LHFPL6: variants seen among roughly 807,000 people sequenced by gnomAD.
LHFPL6 encodes LHFPL tetraspan subfamily member 6 protein.
In LHFPL6, 9 loss-of-function variants were observed where a neutral mutation model predicts 20.6. The observed-to-expected ratio is 0.44, with a 90% CI of 0.26 to 0.76. The LOEUF is 0.76. LHFPL6 is among the 30% of genes least tolerant of loss of function. The pLI is 0.20. For synonymous variants in LHFPL6, 105 were observed against 98.7 expected (o/e 1.06, Z -0.38); for missense variants, 218 against 253.5 (o/e 0.86, Z 0.95).
chr13:39,547,294 G>A (rs1871011992), intron 2 of LHFPL6, among the ~76,000 whole-genome samples: 2 of 152,006 alleles, frequency 1.3e-5, no homozygotes, highest in South Asian at 4.1e-4. Flanking sequence ...CTCATCTCTG[G>A]TTGCCTGCTT....
intron 2 of LHFPL6, among the ~76,000 whole-genome samples, chr13:39,413,672 T>C (rs949348782): frequency 2.0e-5 from 3 of 152,126 alleles, no homozygotes; most frequent in Non-Finnish European, 4.4e-5. Flanking sequence ...TGTTTGCATT[T>C]GCACAAGTGT....
At chr13:39,458,562 G>A (rs1872622743) in intron 2 of LHFPL6, among the ~76,000 whole-genome samples, 1 of 152,008 alleles carries the variant, frequency 6.6e-6, no homozygotes, top group Non-Finnish European at 1.5e-5. Context: ...AACCAGTCAT[G>A]GGGGCCTGCA....
intron 2 of LHFPL6, among the ~76,000 whole-genome samples, chr13:39,517,494 C>G (rs1276132521): frequency 1.3e-5 from 2 of 152,180 alleles, no homozygotes; most frequent in Non-Finnish European, 2.9e-5. Flanking sequence ...TCCTTTATCA[C>G]TATTGTCTAT....
intron 2 of LHFPL6, among the ~76,000 whole-genome samples, chr13:39,573,592 T>C (rs1259268367): frequency 6.6e-6 from 1 of 152,194 alleles, no homozygotes; most frequent in African/African-American, 2.4e-5. Flanking sequence ...TTCTTTTACA[T>C]GGTATAACTT....
chr13:39,562,079 C>A (rs74046556), intron 2 of LHFPL6, among the ~76,000 whole-genome samples: 7,093 of 152,180 alleles, frequency 0.047, 343 homozygotes, highest in African/African-American at 0.12. Flanking sequence ...TATGCAATAA[C>A]TCCTACAATA....
intron 2 of LHFPL6, among the ~76,000 whole-genome samples, chr13:39,496,224 G>A (rs1869096731): frequency 6.6e-6 from 1 of 152,110 alleles, no homozygotes; most frequent in Non-Finnish European, 1.5e-5. Context: ...ACATGAAGGT[G>A]GATTTGGTAT....
intron 2 of LHFPL6, among the ~76,000 whole-genome samples, chr13:39,381,456 T>C (rs1416130223): frequency 6.6e-6 from 1 of 152,086 alleles, no homozygotes; most frequent in Non-Finnish European, 1.5e-5. Context: ...TTTTTCTTCC[T>C]TCTCTCCCCT....
At chr13:39,412,660 C>T (rs1871259919) in intron 2 of LHFPL6, among the ~76,000 whole-genome samples, 1 of 152,192 alleles carries the variant, frequency 6.6e-6, no homozygotes, top group South Asian at 2.1e-4. Flanking sequence ...TGCAGTGGCT[C>T]ACGCCTGTAA....
chr13:39,450,200 A>G (rs1872403790), intron 2 of LHFPL6, among the ~76,000 whole-genome samples: 1 of 152,230 alleles, frequency 6.6e-6, no homozygotes, highest in Non-Finnish European at 1.5e-5. Context: ...AGTACTTGTT[A>G]TAGGTTCTAT....
chr13:39,504,524 T>C (rs985508186), intron 2 of LHFPL6, among the ~76,000 whole-genome samples: 1 of 152,104 alleles, frequency 6.6e-6, no homozygotes, highest in Non-Finnish European at 1.5e-5. Flanking sequence ...TGCTGGCAGG[T>C]TTGGTTTCTC....
intron 3 of LHFPL6, among the ~76,000 whole-genome samples, chr13:39,369,665 A>T (rs1870117322): frequency 1.7e-5 from 2 of 121,186 alleles, no homozygotes; most frequent in Admixed American, 2.0e-4. Flanking sequence ...TTTTTTAACC[A>T]TTCAATAGAT....
At chr13:39,529,724 A>C (rs1406918751) in intron 2 of LHFPL6, among the ~76,000 whole-genome samples, 1 of 152,222 alleles carries the variant, frequency 6.6e-6, no homozygotes, top group Non-Finnish European at 1.5e-5. Context: ...TAGTAGGAGG[A>C]GATGCTTCAA....
At chr13:39,410,605 T>C (rs575400505) in intron 2 of LHFPL6, among the ~76,000 whole-genome samples, 5 of 152,302 alleles carry the variant, frequency 3.3e-5, no homozygotes, top group Admixed American at 3.3e-4. Context: ...ACAGGAATTT[T>C]TGAGTATCCA....
intron 2 of LHFPL6, among the ~76,000 whole-genome samples, chr13:39,432,277 A>G (rs1871832891): frequency 6.6e-6 from 1 of 152,240 alleles, no homozygotes; most frequent in Non-Finnish European, 1.5e-5. Context: ...AGTCTTTTTA[A>G]ACCAGTGGCA....
At chr13:39,495,570 C>G (rs1426750091) in intron 2 of LHFPL6, among the ~76,000 whole-genome samples, 1 of 149,804 alleles carries the variant, frequency 6.7e-6, no homozygotes, top group Admixed American at 6.6e-5. Context: ...GTTGATCCAT[C>G]TGGATATCTT....
intron 2 of LHFPL6, among the ~76,000 whole-genome samples, chr13:39,592,882 T>C (rs1022256312): frequency 6.6e-6 from 1 of 152,186 alleles, no homozygotes; most frequent in Non-Finnish European, 1.5e-5. Context: ...CGTATGATTA[T>C]CTCCATAGAT....
At chr13:39,438,110 A>C (rs1872015221) in intron 2 of LHFPL6, among the ~76,000 whole-genome samples, 1 of 152,190 alleles carries the variant, frequency 6.6e-6, no homozygotes, top group Non-Finnish European at 1.5e-5. Flanking sequence ...AGTGATATAG[A>C]CAGTGAAGTC....
intron 2 of LHFPL6, among the ~76,000 whole-genome samples, chr13:39,429,321 T>A (rs1445113136): frequency 1.3e-5 from 2 of 152,160 alleles, no homozygotes; most frequent in African/African-American, 4.8e-5. Context: ...TATAAATAGG[T>A]ACATATTCAG....
intron 3 of LHFPL6, among the ~76,000 whole-genome samples, chr13:39,352,381 T>A (rs1345748050): frequency 6.6e-6 from 1 of 152,036 alleles, no homozygotes; most frequent in Non-Finnish European, 1.5e-5. Context: ...CACCATACCA[T>A]CCTAACTTTC....
Sources: allele counts gnomAD v4.1 joint callset (sites outside exome capture counted in the v4.1 genomes callset), GRCh38; gene constraint gnomAD v4.1.1; transcripts MANE v1.5; gene names NCBI Gene and HGNC (gene_info 2026-07-23, HGNC 2026-07-21).